The following AS3MT variants were observed in gnomAD, a reference collection of about 807,000 sequenced individuals.
AS3MT encodes arsenite methyltransferase, also known as S-adenosyl-L-methionine:arsenic(III) methyltransferase.
AS3MT carries 47 observed loss-of-function variants against 45.3 expected under a neutral mutation model. That is an observed-to-expected ratio of 1.04 (90% confidence interval 0.82 to 1.32). The LOEUF (loss-of-function observed/expected upper bound fraction) is 1.32. Ranked by LOEUF, AS3MT falls within the 40% of genes most tolerant of loss-of-function variation. The pLI is 0.00. For synonymous variants in AS3MT, 141 were observed against 152.8 expected (o/e 0.92, Z 0.57); for missense variants, 396 against 451.1 (o/e 0.88, Z 1.11).
intron 9 of AS3MT, among the ~76,000 whole-genome samples, chr10:102,886,824 C>G (rs1165245904): frequency 6.6e-6 from 1 of 152,068 alleles, no homozygotes; most frequent in Non-Finnish European, 1.5e-5. Flanking sequence ...ACCATGTTGC[C>G]CAGTCTGCTC....
intron 9 of AS3MT, among the ~76,000 whole-genome samples, chr10:102,883,964 TTTTC>T (rs1041445000): frequency 4.7e-5 from 7 of 149,786 alleles, no homozygotes; most frequent in Non-Finnish European, 1.5e-5. Flanking sequence ...TTTTCTTTTC[TTTTC>T]TTTCTTTATT....
At chr10:102,879,815 A>G (rs1387656392) in intron 9 of AS3MT, among the ~76,000 whole-genome samples, 4 of 151,414 alleles carry the variant, frequency 2.6e-5, no homozygotes, top group African/African-American at 9.7e-5. Flanking sequence ...AAAAGTTAAT[A>G]GTACAATGAA....
intron 10 of AS3MT, 87 bp from the exon 11 acceptor site, chr10:102,900,506 T>C: frequency 1.1e-6 from 1 of 934,740 alleles, no homozygotes; most frequent in Non-Finnish European, 1.7e-6. Context: ...TCTGTGTAAG[T>C]CAACCTAAAT....
chr10:102,893,076 CA>C (rs1709219568), intron 10 of AS3MT, among the ~76,000 whole-genome samples: 1 of 149,142 alleles, frequency 6.7e-6, no homozygotes, highest in Admixed American at 6.7e-5. Context: ...AAAACTGTAG[CA>C]CAACGGAAGT....
In AS3MT at chr10:102,874,656, C is replaced by T. The variant is rs372754005; in HGVS notation, c.523C>T (p.Leu175=). The T allele has an allele frequency of 6.2e-7, 1 of 1,607,108 alleles. No homozygotes were observed. Among genetic ancestry groups the T allele is most frequent in the Non-Finnish European group, 8.5e-7 (1 of 1,175,434 alleles). ...AGTGCTTCAGGAGGCATATCGGGTG[C>T]TGAAGGTGAGGAGGAGAGTGAGATA... ...QQVLQEAYRV[L]KHGGELYFSD... Residue 175 remains leucine (L), a synonymous_variant, in exon 6 of 11, where the codon CTG becomes TTG. Coordinates refer to ENST00000369880, the MANE Select transcript of AS3MT (RefSeq NM_020682.4).
chr10:102,891,132 A>G (rs1039297024), intron 10 of AS3MT, among the ~76,000 whole-genome samples: 1 of 152,006 alleles, frequency 6.6e-6, no homozygotes, highest in Admixed American at 6.6e-5. Flanking sequence ...CACTTGCCCA[A>G]CTCCCGAGAT....
chr10:102,889,544 T>C (rs1845023255), intron 9 of AS3MT, among the ~76,000 whole-genome samples: 1 of 152,148 alleles, frequency 6.6e-6, no homozygotes, highest in Non-Finnish European at 1.5e-5. Flanking sequence ...CAGTCAACAT[T>C]AGGAGTGCAG....
Position 102,900,761 on chromosome 10 carries a change from T to G in AS3MT, c.*61T>G. ...AGAGTGATCTGCATGTTTTTTAACC[T>G]GCTTTTCCCCATAGCACAGACCATA... On this transcript the variant is annotated 3_prime_UTR_variant, in exon 11 of 11. Transcript: ENST00000369880. 1 of 1,314,744 alleles carries G rather than the reference T, an allele frequency of 7.6e-7. No homozygotes were observed. Among genetic ancestry groups the G allele is most frequent in the Non-Finnish European group, 1.1e-6 (1 of 909,796 alleles). The allele number at this position is 1,314,744 out of a possible 1,614,324, so 81.4% of individuals were successfully genotyped here.
In AS3MT at chr10:102,869,827, G is replaced by C; in HGVS notation, c.24G>C (p.Glu8Asp). The part of the protein sequence containing the change: MAALRDA[E>D]IQKDVQTYYG... The stretch of plus-strand genomic sequence containing the variant: ...CAGTGGCTGCACTTCGTGACGCTGA[G>C]ATACAGAAGGACGTGCAGGTGAGAG... Residue 8 changes from glutamate to aspartate, a missense_variant, in exon 2 of 11, where the codon GAG (glutamate) becomes GAC (aspartate). By Grantham distance (45) the Glu-to-Asp change is conservative (BLOSUM62 2). Transcript: ENST00000369880. 1.2e-6 allele frequency: 2 copies of C among 1,614,078 alleles called. No individual in the cohort carries two copies. Among genetic ancestry groups the C allele is most frequent in the Middle Eastern group, 1.6e-4 (1 of 6,062 alleles).
At chr10:102,884,050 C>T (rs1466577764) in intron 9 of AS3MT, among the ~76,000 whole-genome samples, 1 of 148,006 alleles carries the variant, frequency 6.8e-6, no homozygotes, top group Non-Finnish European at 1.5e-5. Flanking sequence ...ACAATCTCGG[C>T]TCACTGCAAC....
intron 10 of AS3MT, among the ~76,000 whole-genome samples, chr10:102,894,695 T>C (rs1360419704): frequency 1.3e-5 from 2 of 152,126 alleles, no homozygotes; most frequent in African/African-American, 4.8e-5. Flanking sequence ...TACAATCTAT[T>C]CTCTCTGTAG....
intron 9 of AS3MT, among the ~76,000 whole-genome samples, chr10:102,884,112 G>A (rs948091304): frequency 2.6e-5 from 4 of 151,392 alleles, no homozygotes; most frequent in Non-Finnish European, 5.9e-5. Context: ...CCAAGTAGCT[G>A]GGACTATAGG....
At chr10:102,873,336 A>G in intron 5 of AS3MT, 103 bp downstream of exon 5, 1 of 932,600 alleles carries the variant, frequency 1.1e-6, no homozygotes, top group Non-Finnish European at 1.4e-6. Context: ...GCCAGAGTGC[A>G]GTGGCCCAAT....
At chr10:102,876,360 C>T (rs1380856150) in intron 6 of AS3MT, among the ~76,000 whole-genome samples, 1 of 150,416 alleles carries the variant, frequency 6.6e-6, no homozygotes, top group Non-Finnish European at 1.5e-5. Flanking sequence ...GATAGTGACA[C>T]TCACTGTACC....
intron 9 of AS3MT, among the ~76,000 whole-genome samples, chr10:102,886,049 G>T (rs1459744596): frequency 6.6e-6 from 1 of 151,898 alleles, no homozygotes; most frequent in Non-Finnish European, 1.5e-5. Context: ...TCATCTGTTT[G>T]AGTCTTCTTT....
chr10:102,889,842 ATT>A (rs1341533276), intron 9 of AS3MT, among the ~76,000 whole-genome samples: 1 of 151,230 alleles, frequency 6.6e-6, no homozygotes, highest in South Asian at 2.1e-4. Flanking sequence ...TACCCAGCTA[ATT>A]TTTTTGTATT....
At chr10:102,874,114 G>A (rs1433589940) in intron 5 of AS3MT, among the ~76,000 whole-genome samples, 7 of 152,156 alleles carry the variant, frequency 4.6e-5, no homozygotes, top group African/African-American at 1.7e-4. Context: ...TTAGCTGGGT[G>A]TGGTGGCACA....
rs748648745 is a variant in AS3MT, at chr10:102,869,801, A to T, written c.2-4A>T. The T allele has an allele frequency of 6.2e-7, 1 of 1,614,042 alleles. No individual in the cohort carries two copies. The highest frequency in any genetic ancestry group is 2.2e-5 in the East Asian group (1 of 44,868). On this transcript the variant is annotated splice_polypyrimidine_tract_variant and splice_region_variant and intron_variant, in intron 1 of 10. Coordinates refer to ENST00000369880, the MANE Select transcript of AS3MT (RefSeq NM_020682.4). Reference sequence around the variant, plus strand: ...CTTTCAACTAACTTTCCCGCTCCCGACAGTGGCTGCACTTCGTGACGCTGA... The same window carrying T: ...CTTTCAACTAACTTTCCCGCTCCCGTCAGTGGCTGCACTTCGTGACGCTGA...
At chr10:102,892,769 A>C (rs1590229571) in intron 10 of AS3MT, among the ~76,000 whole-genome samples, 2 of 152,170 alleles carry the variant, frequency 1.3e-5, no homozygotes, top group East Asian at 3.9e-4. Context: ...TGAGCTCAGG[A>C]GTTCAAGACC....
Sources: gnomAD v4.1 joint callset for allele counts (sites outside exome capture counted in the v4.1 genomes callset) on GRCh38, gnomAD v4.1.1 for gene constraint, MANE v1.5 for transcripts, NCBI Gene and HGNC (gene_info 2026-07-23, HGNC 2026-07-21) for gene names.